The following NXPH1 variants were observed in gnomAD, a reference collection of about 807,000 sequenced individuals.
NXPH1 encodes the protein neurexophilin-1.
A neutral mutation model predicts 23.7 loss-of-function variants in NXPH1; 5 were observed. The ratio of observed to expected loss-of-function variants is 0.21; its 90% CI spans 0.11 to 0.44. The LOEUF is 0.44. NXPH1 is among the 20% of genes least tolerant of loss of function. NXPH1 has a pLI of 0.99. For missense variants in NXPH1, 324 were observed against 321.6 expected (o/e 1.01, Z -0.06); for synonymous variants, 144 against 122.2 (o/e 1.18, Z -1.18).
chr7:8,751,574 C>G lies in NXPH1; in HGVS notation c.621C>G (p.Asn207Lys). 1 of 1,613,484 alleles carries G rather than the reference C, an allele frequency of 6.2e-7. No homozygotes were observed. Among genetic ancestry groups the G allele is most frequent in the Non-Finnish European group, 8.5e-7 (1 of 1,179,712 alleles). Reference sequence around the variant, plus strand: ...AAAAGGTTGACAAGGCTACCAAGAACACACTCTGCAACTATGACCCTTCAA... The same window carrying G: ...AAAAGGTTGACAAGGCTACCAAGAAGACACTCTGCAACTATGACCCTTCAA... ...EYEKVDKATKNTLCNYDPSKT... is the reference protein window; with the variant it reads ...EYEKVDKATKKTLCNYDPSKT... Residue 207 changes from asparagine to lysine, a missense_variant, in exon 3 of 3, where the codon AAC (asparagine) becomes AAG (lysine). Coordinates refer to ENST00000405863, the MANE Select transcript of NXPH1 (RefSeq NM_152745.3). This position sits in a 1 kb window ranked among gnomAD's most constrained non-coding sequence, Gnocchi z 4.5.
chr7:8,733,128 G>A (rs1780187634), intron 2 of NXPH1, among the ~76,000 whole-genome samples: 2 of 152,070 alleles, frequency 1.3e-5, no homozygotes. Context: ...AACACGTGGT[G>A]TTTTGTTTTC....
At position 8,734,895 on chromosome 7, in the gene NXPH1, C is replaced by A. The variant is rs550677413; in HGVS notation, c.55-16113C>A. Among the ~76,000 whole-genome samples the A allele has an allele frequency of 3.3e-5, 5 of 152,218 alleles. No homozygotes were observed. The East Asian group carries it at 7.7e-4, about 23-fold the overall frequency. ...AAGTTGTATTCCTAGGTATTTTATT[C>A]TCTTTATAGCAATTGTGAATGGGGG... On this transcript the variant is annotated intron_variant, in intron 2 of 2. Coordinates refer to ENST00000405863, the MANE Select transcript of NXPH1 (RefSeq NM_152745.3).
chr7:8,684,770 C>G (rs760791237), intron 2 of NXPH1, among the ~76,000 whole-genome samples: 2 of 152,106 alleles, frequency 1.3e-5, no homozygotes, highest in Non-Finnish European at 2.9e-5. Flanking sequence ...TATTATATTC[C>G]TCTGGAAACC....
chr7:8,612,465 A>G (rs150179979), intron 2 of NXPH1, among the ~76,000 whole-genome samples: 38 of 152,124 alleles, frequency 2.5e-4, no homozygotes, highest in African/African-American at 9.1e-4. Context: ...TTGAAATTTT[A>G]TAAGCATTCC....
chr7:8,663,931 T>C (rs976505504), intron 2 of NXPH1, among the ~76,000 whole-genome samples: 2 of 152,090 alleles, frequency 1.3e-5, no homozygotes, highest in African/African-American at 4.8e-5. Flanking sequence ...TAGAACGCCA[T>C]GTATGATGCT....
intron 2 of NXPH1, among the ~76,000 whole-genome samples, chr7:8,737,866 C>G (rs1044683655): frequency 2.0e-5 from 3 of 152,130 alleles, no homozygotes; most frequent in African/African-American, 7.2e-5. Context: ...TGTCTTCACA[C>G]TTTATTTCAT....
chr7:8,602,237 T>C (rs1819377737), intron 2 of NXPH1, among the ~76,000 whole-genome samples: 1 of 152,216 alleles, frequency 6.6e-6, no homozygotes, highest in Non-Finnish European at 1.5e-5. Flanking sequence ...TTAAAATAGT[T>C]TTGTAAGTGA....
intron 2 of NXPH1, among the ~76,000 whole-genome samples, chr7:8,548,991 A>C (rs1427069847): frequency 1.3e-5 from 2 of 151,656 alleles, no homozygotes; most frequent in African/African-American, 4.8e-5. Context: ...ACTCAGAAAA[A>C]ATTATTTTGA....
intron 2 of NXPH1, among the ~76,000 whole-genome samples, chr7:8,737,097 G>A (rs780990035): frequency 6.6e-6 from 1 of 152,098 alleles, no homozygotes; most frequent in African/African-American, 2.4e-5. Context: ...TTGCCAGTGT[G>A]TGTCTTTTAA....
chr7:8,738,877 G>C (rs1780309824), intron 2 of NXPH1, among the ~76,000 whole-genome samples: 1 of 152,074 alleles, frequency 6.6e-6, no homozygotes, highest in Non-Finnish European at 1.5e-5. Context: ...CTGAGCTGTG[G>C]TGGGCTTCAC....
chr7:8,451,717 C>T (rs1045586199), intron 2 of NXPH1, among the ~76,000 whole-genome samples: 13 of 152,172 alleles, frequency 8.5e-5, no homozygotes, highest in Admixed American at 5.2e-4. Flanking sequence ...CAAAAACAAC[C>T]CTCCTCTTAT....
At chr7:8,456,281 G>T (rs1395863637) in intron 2 of NXPH1, among the ~76,000 whole-genome samples, 1 of 152,184 alleles carries the variant, frequency 6.6e-6, no homozygotes, top group Non-Finnish European at 1.5e-5. Flanking sequence ...GTTCTGGTTT[G>T]TCTTGGTAGT....
chr7:8,741,562 CT>C (rs2115227758), intron 2 of NXPH1, among the ~76,000 whole-genome samples: 1 of 152,224 alleles, frequency 6.6e-6, no homozygotes, highest in African/African-American at 2.4e-5. Context: ...GTGTTCAGCA[CT>C]GATTATTGTT....
At chr7:8,441,269 T>C (rs779767543) in intron 2 of NXPH1, among the ~76,000 whole-genome samples, 1 of 152,108 alleles carries the variant, frequency 6.6e-6, no homozygotes, top group African/African-American at 2.4e-5. Context: ...TGCATTCTCT[T>C]AGCCACTATT....
At chr7:8,681,016 A>G (rs1821041510) in intron 2 of NXPH1, among the ~76,000 whole-genome samples, 1 of 152,244 alleles carries the variant, frequency 6.6e-6, no homozygotes. Flanking sequence ...AGAGGTAAAG[A>G]GAGTTGCTCA....
At chr7:8,584,083 T>C (rs983299877) in intron 2 of NXPH1, among the ~76,000 whole-genome samples, 1 of 152,228 alleles carries the variant, frequency 6.6e-6, no homozygotes, top group Admixed American at 6.5e-5. Context: ...ACTTTACAGA[T>C]ATTAACTCAA....
chr7:8,505,074 T>C (rs1817499510), intron 2 of NXPH1, among the ~76,000 whole-genome samples: 1 of 152,044 alleles, frequency 6.6e-6, no homozygotes, highest in African/African-American at 2.4e-5. Context: ...CAGTAGGGGA[T>C]CAAATTTTTT....
intron 2 of NXPH1, among the ~76,000 whole-genome samples, chr7:8,456,690 AT>A (rs1816601192): frequency 6.6e-6 from 1 of 152,144 alleles, no homozygotes; most frequent in Non-Finnish European, 1.5e-5. Flanking sequence ...GAATTTTTCT[AT>A]TATCCATAAC....
intron 2 of NXPH1, among the ~76,000 whole-genome samples, chr7:8,539,529 CT>C (rs1818078896): frequency 6.6e-6 from 1 of 151,606 alleles, no homozygotes; most frequent in Non-Finnish European, 1.5e-5. Flanking sequence ...GAAATTTTTC[CT>C]TTTAAAATGC....
Sources: allele counts gnomAD v4.1 joint callset (sites outside exome capture counted in the v4.1 genomes callset), GRCh38; gene constraint gnomAD v4.1.1; non-coding constraint Gnocchi (gnomAD v3.1); transcripts MANE v1.5; gene names NCBI Gene and HGNC (gene_info 2026-07-23, HGNC 2026-07-21).